The following MSRA variants were observed in gnomAD, a reference collection of about 807,000 sequenced individuals.
MSRA encodes the protein methionine sulfoxide reductase A.
A neutral mutation model predicts 31.3 loss-of-function variants in MSRA; 54 were observed. The ratio of observed to expected loss-of-function variants is 1.73; its 90% CI spans 1.39 to 2.17. The LOEUF is 2.17. Ranked by LOEUF, MSRA falls within the 30% of genes most tolerant of loss-of-function variation. The probability of loss-of-function intolerance (pLI) is 0.00; values close to 1 mark genes in which losing one functional copy is unlikely to be tolerated. For synonymous variants in MSRA, 169 were observed against 116.5 expected, an observed-to-expected ratio of 1.45 and a Z score of -2.90; for missense variants, 507 against 300.9, an observed-to-expected ratio of 1.69 and a Z score of -5.07.
intron 1 of MSRA, among the ~76,000 whole-genome samples, chr8:10,172,241 T>C (rs1242157241): frequency 6.6e-6 from 1 of 152,118 alleles, no homozygotes; most frequent in Non-Finnish European, 1.5e-5. Flanking sequence ...TGGGGTATGA[T>C]ACTGGGCTGC....
chr8:10,055,233 G>T (rs2128909011), intron 1 of MSRA, among the ~76,000 whole-genome samples: 1 of 152,360 alleles, frequency 6.6e-6, no homozygotes, highest in African/African-American at 2.4e-5. Flanking sequence ...GGCAGGGGCT[G>T]CCGTATGCTG....
chr8:10,250,272 TAC>T lies in MSRA; in HGVS notation c.331+5051_331+5052del, dbSNP rs1797847947. 4 of 599,214 alleles carry T rather than the reference TAC, an allele frequency of 6.7e-6. No individual in the cohort carries two copies. In the Admixed American group the frequency reaches 1.1e-4, roughly 17 times the overall value. The allele number at this position is 599,214 out of a possible 1,614,324, so 37.1% of individuals were successfully genotyped here. A position where few individuals can be genotyped will look rare whatever the true frequency, so the allele number is the denominator to read the frequency against. On this transcript the variant is annotated intron_variant, in intron 3 of 5. Coordinates refer to ENST00000317173, the MANE Select transcript of MSRA (RefSeq NM_012331.5). ...TTCTTACATTTTGTAATAACGACTGTACAGATGAAAATATGAAAAGACATTCT... is the reference window on the plus strand; with the variant it reads ...TTCTTACATTTTGTAATAACGACTGTAGATGAAAATATGAAAAGACATTCT...
intron 1 of MSRA, among the ~76,000 whole-genome samples, chr8:10,148,130 G>A (rs73530948): frequency 0.027 from 4,067 of 152,166 alleles, 139 homozygotes; most frequent in South Asian, 0.09. Context: ...CTCTGCAGCC[G>A]GAAAGGAGAC....
intron 1 of MSRA, among the ~76,000 whole-genome samples, chr8:10,077,271 G>A (rs1279734550): frequency 6.6e-6 from 1 of 152,160 alleles, no homozygotes. Flanking sequence ...GTGGGAAAGT[G>A]TGGAGACCTG....
At chr8:10,323,095 A>AG (rs1472996275) in intron 5 of MSRA, among the ~76,000 whole-genome samples, 2 of 151,390 alleles carry the variant, frequency 1.3e-5, no homozygotes, top group Non-Finnish European at 3.0e-5. Context: ...ATCTCAAAAA[A>AG]AAAAAAAAAA....
intron 1 of MSRA, among the ~76,000 whole-genome samples, 156 bp from the exon 2 acceptor site, chr8:10,207,677 A>G (rs1404746378): frequency 6.6e-6 from 1 of 152,194 alleles, no homozygotes; most frequent in African/African-American, 2.4e-5. Context: ...TGCAATGGAG[A>G]TGAAAAACAA....
At chr8:10,155,589 G>A (rs991868113) in intron 1 of MSRA, among the ~76,000 whole-genome samples, 1 of 152,180 alleles carries the variant, frequency 6.6e-6, no homozygotes, top group Non-Finnish European at 1.5e-5. Flanking sequence ...GAAACCATGA[G>A]AGAAATGGCG....
Position 10,158,409 on chromosome 8 carries a change from T to C in MSRA, c.143-49424T>C, listed in dbSNP as rs974349449. Among the ~76,000 whole-genome samples the C allele has an allele frequency of 2.0e-5, 3 of 152,234 alleles. No individual in the cohort carries two copies. The East Asian group carries it at 5.8e-4, about 29-fold the overall frequency. ...AACACTCCCCCAGCTATCGGCACAA[T>C]AATCTACTTTCTGTGTCTATAGATT... is the stretch of plus-strand genomic sequence containing the variant. On this transcript the variant is annotated intron_variant, in intron 1 of 5. Coordinates refer to ENST00000317173, the MANE Select transcript of MSRA (RefSeq NM_012331.5).
At chr8:10,358,867 C>T (rs867780626) in intron 5 of MSRA, among the ~76,000 whole-genome samples, 2 of 149,094 alleles carry the variant, frequency 1.3e-5, no homozygotes, top group African/African-American at 2.6e-5. Context: ...GCTGGGATTA[C>T]AGGCGTGAGC....
At chr8:10,203,819 C>G (rs973751934) in intron 1 of MSRA, among the ~76,000 whole-genome samples, 1 of 152,164 alleles carries the variant, frequency 6.6e-6, no homozygotes, top group African/African-American at 2.4e-5. Flanking sequence ...ATGACAGCTC[C>G]AAGCGTGTTA....
intron 1 of MSRA, among the ~76,000 whole-genome samples, chr8:10,126,805 T>A (rs556205549): frequency 2.2e-4 from 33 of 152,350 alleles, no homozygotes; most frequent in Admixed American, 6.5e-4. Flanking sequence ...TGAGCCACCA[T>A]GTCCAGCCTA....
chr8:10,415,957 G>A (rs543066111), intron 5 of MSRA, among the ~76,000 whole-genome samples: 3 of 151,988 alleles, frequency 2.0e-5, no homozygotes, highest in Admixed American at 1.3e-4. Flanking sequence ...TCTGCCTCGC[G>A]TGGTGGATAT....
At chr8:10,171,414 C>G (rs1257410596) in intron 1 of MSRA, among the ~76,000 whole-genome samples, 1 of 148,568 alleles carries the variant, frequency 6.7e-6, no homozygotes, top group Non-Finnish European at 1.5e-5. Flanking sequence ...GAACAGCTCT[C>G]TACATTTTCT....
intron 1 of MSRA, among the ~76,000 whole-genome samples, chr8:10,140,377 C>T (rs375338113): frequency 2.0e-5 from 3 of 152,304 alleles, no homozygotes; most frequent in East Asian, 3.9e-4. Context: ...GCCATATTTT[C>T]AGGTAGCATG....
intron 5 of MSRA, chr8:10,337,669 AT>A: frequency 1.4e-6 from 1 of 696,862 alleles, no homozygotes; most frequent in South Asian, 1.5e-5. Context: ...CCGGTGAATG[AT>A]TTTTCATCTT....
At chr8:10,315,882 C>T (rs1383316886) in intron 4 of MSRA, among the ~76,000 whole-genome samples, 1 of 152,156 alleles carries the variant, frequency 6.6e-6, no homozygotes, top group East Asian at 1.9e-4. Context: ...TTTCTTTGGC[C>T]ACCATAAATA....
intron 5 of MSRA, among the ~76,000 whole-genome samples, chr8:10,386,338 C>T (rs1038811214): frequency 6.6e-6 from 1 of 151,950 alleles, no homozygotes; most frequent in Non-Finnish European, 1.5e-5. Flanking sequence ...TCTGATCAGA[C>T]GTTAGGAAGA....
At chr8:10,248,151 G>T (rs4563888) in intron 3 of MSRA, among the ~76,000 whole-genome samples, 1 of 152,042 alleles carries the variant, frequency 6.6e-6, no homozygotes, top group Non-Finnish European at 1.5e-5. Context: ...GAGGTCCATT[G>T]TGGGAGAAAT....
chr8:10,184,329 G>T (rs1258027485), intron 1 of MSRA, among the ~76,000 whole-genome samples: 1 of 151,908 alleles, frequency 6.6e-6, no homozygotes, highest in Non-Finnish European at 1.5e-5. Flanking sequence ...TACCCTCTAA[G>T]CCCCACCTTA....
Sources: allele counts gnomAD v4.1 joint callset (sites outside exome capture counted in the v4.1 genomes callset), GRCh38; gene constraint gnomAD v4.1.1; transcripts MANE v1.5; gene names NCBI Gene and HGNC (gene_info 2026-07-23, HGNC 2026-07-21).